Variants in OPCML observed in about 807,000 individuals in gnomAD.
OPCML encodes the protein opioid-binding protein/cell adhesion molecule.
A neutral mutation model predicts 37.8 loss-of-function variants in OPCML; 13 were observed. The ratio of observed to expected loss-of-function variants is 0.34; its 90% CI spans 0.22 to 0.55. The LOEUF (loss-of-function observed/expected upper bound fraction) is 0.55. Ranked by LOEUF, OPCML falls within the 20% of genes least tolerant of loss-of-function variation. The pLI is 0.91. For missense variants in OPCML, 341 were observed against 435.6 expected, an observed-to-expected ratio of 0.78 and a Z score of 1.93; for synonymous variants, 176 against 168.8, an observed-to-expected ratio of 1.04 and a Z score of -0.33.
intron 1 of OPCML, among the ~76,000 whole-genome samples, chr11:133,338,223 T>C (rs2136664064): frequency 6.6e-6 from 1 of 152,220 alleles, no homozygotes; most frequent in South Asian, 2.1e-4. Flanking sequence ...CTCAGACACT[T>C]AATTCATCTC....
At chr11:133,095,717 A>C (rs572772394) in intron 1 of OPCML, among the ~76,000 whole-genome samples, 1 of 151,430 alleles carries the variant, frequency 6.6e-6, no homozygotes, top group African/African-American at 2.4e-5. Context: ...AAAAAAAATC[A>C]GAGGAAAAGA....
rs572759822 is a variant in OPCML at position 133,174,253 on chromosome 11, A to G, written c.62-231243T>C. Among the ~76,000 whole-genome samples, 20 of 152,184 alleles carry G rather than the reference A, an allele frequency of 1.3e-4. No homozygotes were observed. Among genetic ancestry groups the G allele is most frequent in the Non-Finnish European group, 2.9e-5 (2 of 68,030 alleles). ...CGGAGTAACTCCTAGAAGGCGAAGC[A>G]TGATTAGAACCAAGCCTTCCTGCCA... On this transcript the variant is annotated intron_variant, in intron 1 of 7. Coordinates refer to ENST00000524381, the MANE Select transcript of OPCML (RefSeq NM_001012393.5). The surrounding 1 kb of genome is among the most constrained non-coding windows in gnomAD (Gnocchi z 4.6).
intron 1 of OPCML, among the ~76,000 whole-genome samples, chr11:133,111,545 G>A (rs1402193321): frequency 6.6e-6 from 1 of 152,106 alleles, no homozygotes; most frequent in East Asian, 1.9e-4. Flanking sequence ...CAGCTCCATG[G>A]ACACAGTAAA....
chr11:133,376,188 C>A (rs574864426), intron 1 of OPCML, among the ~76,000 whole-genome samples: 1 of 141,042 alleles, frequency 7.1e-6, no homozygotes, highest in South Asian at 2.1e-4. Flanking sequence ...TAAAAAATTG[C>A]AATACTTTTT....
chr11:132,568,090 A>C (rs578233735), intron 3 of OPCML, among the ~76,000 whole-genome samples: 2 of 152,220 alleles, frequency 1.3e-5, no homozygotes, highest in East Asian at 3.9e-4. Context: ...AAGGTGAAAA[A>C]AAAAACTTTC....
chr11:133,151,454 T>C (rs1315468373), intron 1 of OPCML, among the ~76,000 whole-genome samples: 1 of 145,812 alleles, frequency 6.9e-6, no homozygotes, highest in Admixed American at 6.7e-5. Flanking sequence ...AGAGAATGTA[T>C]TTTTTTTTCA....
intron 1 of OPCML, among the ~76,000 whole-genome samples, chr11:133,447,739 TATATACCAC>T (rs1946500886): frequency 6.6e-6 from 1 of 152,232 alleles, no homozygotes; most frequent in Non-Finnish European, 1.5e-5. Context: ...CCATGGAGTA[TATATACCAC>T]ATTTTATTTA....
chr11:133,032,702 A>G (rs1426180328), intron 1 of OPCML, among the ~76,000 whole-genome samples: 2 of 152,240 alleles, frequency 1.3e-5, no homozygotes, highest in East Asian at 3.8e-4. Context: ...TAATGAAAGA[A>G]GCCTACCCCA....
chr11:132,509,207 TG>T (rs1182424658), intron 4 of OPCML, among the ~76,000 whole-genome samples: 4 of 152,222 alleles, frequency 2.6e-5, no homozygotes, highest in South Asian at 4.1e-4. Context: ...GAGATGATTT[TG>T]GGTATCTGGC....
chr11:133,139,708 T>G (rs1172643778), intron 1 of OPCML, among the ~76,000 whole-genome samples: 1 of 152,200 alleles, frequency 6.6e-6, no homozygotes, highest in Non-Finnish European at 1.5e-5. Flanking sequence ...GGGCCATGTC[T>G]AATTTTACAT....
intron 3 of OPCML, among the ~76,000 whole-genome samples, chr11:132,573,106 C>A (rs1383958586): frequency 6.6e-6 from 1 of 151,778 alleles, no homozygotes; most frequent in Non-Finnish European, 1.5e-5. Flanking sequence ...TTCCATCCTG[C>A]AACTTTACAG....
chr11:133,045,109 A>C, intron 1 of OPCML, among the ~76,000 whole-genome samples: 1 of 152,198 alleles, frequency 6.6e-6, no homozygotes, highest in South Asian at 2.1e-4. Context: ...AAGCCAGCCA[A>C]GAGACCCAAT....
intron 3 of OPCML, among the ~76,000 whole-genome samples, chr11:132,568,015 C>T (rs182401910): frequency 9.0e-4 from 135 of 150,366 alleles, no homozygotes; most frequent in African/African-American, 3.2e-3. Flanking sequence ...GTCCCTGGAC[C>T]GAATAGATCT....
chr11:132,908,970 C>T (rs1944334521), intron 2 of OPCML, among the ~76,000 whole-genome samples: 1 of 152,122 alleles, frequency 6.6e-6, no homozygotes, highest in South Asian at 2.1e-4. Flanking sequence ...TTCCTCAAGC[C>T]CTGGCAAACC....
At chr11:132,709,589 C>G (rs1468817445) in intron 2 of OPCML, among the ~76,000 whole-genome samples, 1 of 152,078 alleles carries the variant, frequency 6.6e-6, no homozygotes, top group African/African-American at 2.4e-5. Flanking sequence ...AGAGGAGTGA[C>G]CAGGTATTCT....
intron 1 of OPCML, among the ~76,000 whole-genome samples, chr11:133,168,107 A>G (rs377336058): frequency 2.6e-5 from 4 of 152,340 alleles, no homozygotes; most frequent in East Asian, 1.9e-4. Flanking sequence ...CCATCTCCCA[A>G]GGAGAAGAAT....
intron 4 of OPCML, among the ~76,000 whole-genome samples, chr11:132,527,633 T>G (rs1362383811): frequency 6.6e-6 from 1 of 152,154 alleles, no homozygotes; most frequent in Non-Finnish European, 1.5e-5. Flanking sequence ...GTCAAATATA[T>G]GTACAAGAAA....
At chr11:132,809,214 C>G (rs934639363) in intron 2 of OPCML, among the ~76,000 whole-genome samples, 1 of 152,192 alleles carries the variant, frequency 6.6e-6, no homozygotes, top group Admixed American at 6.5e-5. Context: ...AAGCAGCATA[C>G]GTGGCTCATT....
chr11:133,184,815 T>A (rs937309937), intron 1 of OPCML, among the ~76,000 whole-genome samples: 4 of 152,174 alleles, frequency 2.6e-5, no homozygotes, highest in African/African-American at 9.7e-5. Flanking sequence ...ACAGGATATA[T>A]GGAAATCTTT....
Sources: gnomAD v4.1 joint callset for allele counts (sites outside exome capture counted in the v4.1 genomes callset) on GRCh38, gnomAD v4.1.1 for gene constraint, Gnocchi (gnomAD v3.1) non-coding constraint, MANE v1.5 for transcripts, NCBI Gene and HGNC (gene_info 2026-07-23, HGNC 2026-07-21) for gene names.